Variants in RBPJ observed in about 807,000 individuals in gnomAD.
RBPJ encodes recombining binding protein suppressor of hairless.
Under a neutral mutation model 67.8 loss-of-function variants are expected in RBPJ, and 9 were observed. That is an observed-to-expected ratio of 0.13 (90% CI 0.08 to 0.23). The LOEUF is 0.23. Among genes scored for constraint, RBPJ ranks in the 10% least tolerant of loss-of-function variants. The pLI is 1.00. For missense variants in RBPJ, 305 were observed against 595.6 expected (o/e 0.51, Z 5.08); for synonymous variants, 198 against 203.3 (o/e 0.97, Z 0.22).
At chr4:26,187,224 A>G (rs1426378210) in intron 1 of RBPJ, among the ~76,000 whole-genome samples, 1 of 152,212 alleles carries the variant, frequency 6.6e-6, no homozygotes, top group Non-Finnish European at 1.5e-5. Context: ...CCTGTCTCGA[A>G]AAAACAAAAA....
intron 4 of RBPJ, among the ~76,000 whole-genome samples, 156 bp from the exon 5 acceptor site, chr4:26,420,395 A>G (rs540133000): frequency 6.6e-6 from 1 of 152,314 alleles, no homozygotes; most frequent in East Asian, 1.9e-4. Context: ...AATCAATTTC[A>G]GTAATTTTTA....
Position 26,291,580 on chromosome 4 carries a change from C to CT in RBPJ, c.-166-70852dup, listed in dbSNP as rs1264126269. ...TGACAAGACAAGCAGGTATGAATGA[C>CT]TTTTTTTTTTTTTTGAGATGGAGTC... On this transcript the variant is annotated intron_variant, in intron 1 of 4. Transcript: ENST00000512351. Among the ~76,000 whole-genome samples the CT allele has an allele frequency of 4.5e-3, 644 of 141,874 alleles. 11 individuals are homozygous for CT. The highest frequency in any genetic ancestry group is 0.012 in the African/African-American group (477 of 38,778). 93.1% of individuals were successfully genotyped at this position (141,874 alleles called of 152,430 possible).
chr4:26,375,550 C>T (rs988864472), intron 1 of RBPJ, among the ~76,000 whole-genome samples: 2 of 152,206 alleles, frequency 1.3e-5, no homozygotes, highest in Non-Finnish European at 2.9e-5. Context: ...CATTCTCCCT[C>T]ATTCCTCTTC....
chr4:26,273,832 T>C (rs1720996216), intron 1 of RBPJ, among the ~76,000 whole-genome samples: 1 of 152,204 alleles, frequency 6.6e-6, no homozygotes, highest in Non-Finnish European at 1.5e-5. Context: ...TTCTTCCCTC[T>C]TCTTCTTTGA....
intron 1 of RBPJ, among the ~76,000 whole-genome samples, chr4:26,169,783 C>T (rs1407987664): frequency 6.6e-5 from 10 of 152,176 alleles, no homozygotes; most frequent in South Asian, 6.2e-4. Flanking sequence ...CAATGGTGGG[C>T]GCCCCTCCCC....
rs929523691 is a variant in RBPJ at position 26,409,856 on chromosome 4, A to T, written c.155+3586A>T. Among the ~76,000 whole-genome samples, 5 of 152,228 alleles carry T rather than the reference A, an allele frequency of 3.3e-5. No homozygotes were observed. In the East Asian group the frequency reaches 9.6e-4, roughly 29 times the overall value. The stretch of plus-strand genomic sequence containing the variant: ...CCTAGCTGGTCTAAAACCCCAGTCA[A>T]AAGAAAGCTTTAACAATCTAAGCTT... On this transcript the variant is annotated intron_variant, in intron 3 of 10. Coordinates refer to ENST00000355476, the MANE Select transcript of RBPJ (RefSeq NM_015874.6).
chr4:26,211,776 G>A (rs1357440677), intron 1 of RBPJ, among the ~76,000 whole-genome samples: 2 of 152,126 alleles, frequency 1.3e-5, no homozygotes, highest in South Asian at 2.1e-4. Context: ...ATATGTTGAA[G>A]TCTGAACCTC....
chr4:26,255,514 T>G (rs918189647), intron 1 of RBPJ, among the ~76,000 whole-genome samples: 1 of 146,530 alleles, frequency 6.8e-6, no homozygotes, highest in Non-Finnish European at 1.5e-5. Context: ...AGAAATCACC[T>G]AAATTCGGCC....
intron 1 of RBPJ, among the ~76,000 whole-genome samples, chr4:26,294,564 C>T (rs376683123): frequency 7.8e-4 from 119 of 152,036 alleles, no homozygotes; most frequent in African/African-American, 2.7e-3. Flanking sequence ...CGGACTAGGG[C>T]GTAGAAGGAA....
the RBPJ span, chr4:26,113,635 AAC>A: frequency 6.2e-6 from 2 of 324,642 alleles, no homozygotes; most frequent in Admixed American, 3.4e-5. Flanking sequence ...TCCATCAGGG[AAC>A]ACACACACGA....
chr4:26,375,443 G>A (rs974470326), intron 1 of RBPJ, among the ~76,000 whole-genome samples: 1 of 152,280 alleles, frequency 6.6e-6, no homozygotes, highest in East Asian at 1.9e-4. Flanking sequence ...TGTTCCAAGT[G>A]TCTAGTGTGG....
intron 1 of RBPJ, among the ~76,000 whole-genome samples, chr4:26,348,816 G>C (rs1025189074): frequency 3.3e-5 from 5 of 150,228 alleles, no homozygotes; most frequent in Admixed American, 2.0e-4. Flanking sequence ...CCATCCTTCT[G>C]CCCTAGTCTC....
chr4:26,415,368 G>A (rs1315071290), intron 3 of RBPJ, 107 bp from the exon 4 acceptor site: 13 of 958,828 alleles, frequency 1.4e-5, no homozygotes, highest in Non-Finnish European at 2.0e-5. Flanking sequence ...GGGAATAGGT[G>A]CATTTCAATA....
the RBPJ span, among the ~76,000 whole-genome samples, chr4:26,150,050 A>G: frequency 6.6e-6 from 1 of 152,368 alleles, no homozygotes; most frequent in South Asian, 2.1e-4. Context: ...TCTGGTTACA[A>G]GGTTCTAGAG....
At chr4:26,325,906 T>G (rs1376633732) in intron 1 of RBPJ, among the ~76,000 whole-genome samples, 1 of 152,208 alleles carries the variant, frequency 6.6e-6, no homozygotes, top group Non-Finnish European at 1.5e-5. Context: ...GTATAAATAC[T>G]GTATATTTAA....
In RBPJ at chr4:26,431,614, T is replaced by C. The variant is rs1736245503; in HGVS notation, c.*607T>C. The C allele has an allele frequency of 6.6e-6, 1 of 152,190 alleles. No homozygotes were observed. Among genetic ancestry groups the C allele is most frequent in the South Asian group, 2.1e-4 (1 of 4,820 alleles). 9.4% of individuals were successfully genotyped at this position (152,190 alleles called of 1,614,324 possible). ...TGGTCTAAGGCTGGAACTTTTTTCT[T>C]TTTTTTCAGCTGAAGTCTTATGACT... is the stretch of plus-strand genomic sequence containing the variant. On this transcript the variant is annotated 3_prime_UTR_variant, in exon 11 of 11. Coordinates refer to ENST00000355476, the MANE Select transcript of RBPJ (RefSeq NM_015874.6).
chr4:26,109,468 A>ATG, the RBPJ span, among the ~76,000 whole-genome samples: 2 of 34,208 alleles, frequency 5.8e-5, no homozygotes, highest in East Asian at 3.3e-4. Context: ...CTCTATATAT[A>ATG]TATATATATA....
chr4:26,175,255 C>G (rs764818831), intron 1 of RBPJ, among the ~76,000 whole-genome samples: 4 of 152,110 alleles, frequency 2.6e-5, no homozygotes, highest in Non-Finnish European at 5.9e-5. Flanking sequence ...TTCGGATGCT[C>G]AGAGGAGGGA....
At chr4:26,147,102 A>T in the RBPJ span, among the ~76,000 whole-genome samples, 1 of 152,238 alleles carries the variant, frequency 6.6e-6, no homozygotes, top group African/African-American at 2.4e-5. Context: ...CTCAAGCGTG[A>T]TTGAATCAGA....
Sources: gnomAD v4.1 joint callset for allele counts (sites outside exome capture counted in the v4.1 genomes callset) on GRCh38, gnomAD v4.1.1 for gene constraint, MANE v1.5 for transcripts, NCBI Gene and HGNC (gene_info 2026-07-23, HGNC 2026-07-21) for gene names.